Variants in NFIB observed in about 807,000 individuals in gnomAD.
NFIB encodes nuclear factor 1 B-type.
A neutral mutation model predicts 61.5 loss-of-function variants in NFIB; 11 were observed. The ratio of observed to expected loss-of-function variants is 0.18; its 90% CI spans 0.11 to 0.30. NFIB has a LOEUF of 0.30. Among genes scored for constraint, NFIB ranks in the 10% least tolerant of loss-of-function variants. The probability of loss-of-function intolerance (pLI) is 1.00; values close to 1 mark genes in which losing one functional copy is unlikely to be tolerated. For missense variants in NFIB, 471 were observed against 608.9 expected (o/e 0.77, Z 2.38); for synonymous variants, 260 against 216.5 (o/e 1.20, Z -1.76).
chr9:14,325,581 A>G (rs1225888262), intron 1 of NFIB, among the ~76,000 whole-genome samples: 1 of 152,112 alleles, frequency 6.6e-6, no homozygotes, highest in Non-Finnish European at 1.5e-5. Context: ...ATTTTGAGTC[A>G]TTACCCCAAA....
the NFIB span, among the ~76,000 whole-genome samples, chr9:14,440,357 A>G: frequency 2.6e-5 from 4 of 152,208 alleles, no homozygotes; most frequent in African/African-American, 9.6e-5. Context: ...CTGCAGAAGG[A>G]GCTGATACCA....
intron 2 of NFIB, among the ~76,000 whole-genome samples, chr9:14,216,542 C>CT (rs2050935924): frequency 1.7e-4 from 5 of 29,460 alleles, no homozygotes; most frequent in African/African-American, 4.1e-4. Context: ...CTCTCTCTCT[C>CT]CCTCTGTGTG....
intron 1 of NFIB, among the ~76,000 whole-genome samples, chr9:14,368,065 C>T (rs1300813521): frequency 1.3e-5 from 2 of 151,668 alleles, no homozygotes; most frequent in East Asian, 3.9e-4. Flanking sequence ...CACCATGGCA[C>T]ATGTACCAAA....
At position 14,084,562 on chromosome 9, in the gene NFIB, G is replaced by A; in HGVS notation, c.*3747C>T. On this transcript the variant is annotated 3_prime_UTR_variant, in exon 11 of 11. Transcript: ENST00000380953. ...CTCAAATGCTCACGTCACTCCAGGGGTAACACGCTTCAGAGGCACTGTGAG... is the reference window on the plus strand; with the variant it reads ...CTCAAATGCTCACGTCACTCCAGGGATAACACGCTTCAGAGGCACTGTGAG... 4.4e-6 allele frequency: 1 copy of A among 227,716 alleles called. No homozygotes were observed. Among genetic ancestry groups the A allele is most frequent in the Non-Finnish European group, 8.7e-6 (1 of 114,310 alleles). The allele number at this position is 227,716 out of a possible 1,614,324, so 14.1% of individuals were successfully genotyped here.
chr9:14,504,356 T>C, the NFIB span, among the ~76,000 whole-genome samples: 7 of 152,206 alleles, frequency 4.6e-5, no homozygotes, highest in Admixed American at 1.3e-4. Flanking sequence ...GTTTTCTAGT[T>C]CTGTGAAGAA....
In NFIB at chr9:14,273,176, A is replaced by C. The variant is rs187561263; in HGVS notation, c.562+33813T>G. Among the ~76,000 whole-genome samples, 349 of 152,248 alleles carry C rather than the reference A, an allele frequency of 2.3e-3. 1 individual carries two copies. The highest frequency in any genetic ancestry group is 2.0e-3 in the Non-Finnish European group (137 of 68,006). The stretch of plus-strand genomic sequence containing the variant: ...CAGTTTTAAACTCCACAGCAAATCA[A>C]GGCACTCTTTTTAATAAGTACATTT... On this transcript the variant is annotated intron_variant, in intron 2 of 10. Transcript: ENST00000380953.
intron 1 of NFIB, among the ~76,000 whole-genome samples, chr9:14,377,845 A>G (rs2061438219): frequency 6.6e-6 from 1 of 152,192 alleles, no homozygotes; most frequent in Non-Finnish European, 1.5e-5. Flanking sequence ...AATAAAAGAA[A>G]ATAATTTAAA....
At chr9:14,333,888 A>C (rs1369956254) in intron 1 of NFIB, among the ~76,000 whole-genome samples, 2 of 152,216 alleles carry the variant, frequency 1.3e-5, no homozygotes, top group African/African-American at 2.4e-5. Context: ...TATTCTTCCC[A>C]AAGACAACCG....
intron 1 of NFIB, among the ~76,000 whole-genome samples, chr9:14,368,037 C>G (rs1029676710): frequency 6.6e-6 from 1 of 151,974 alleles, no homozygotes; most frequent in Non-Finnish European, 1.5e-5. Flanking sequence ...CACATGTACA[C>G]TTATGTACAC....
chr9:14,173,361 T>A (rs1289601105), intron 3 of NFIB, among the ~76,000 whole-genome samples: 1 of 152,192 alleles, frequency 6.6e-6, no homozygotes, highest in Non-Finnish European at 1.5e-5. Context: ...TTCACAACTT[T>A]GAACTCCTAC....
At chr9:14,234,976 T>A (rs2053599768) in intron 2 of NFIB, among the ~76,000 whole-genome samples, 1 of 152,124 alleles carries the variant, frequency 6.6e-6, no homozygotes, top group South Asian at 2.1e-4. Flanking sequence ...AATAACCAAA[T>A]CTTTTAGACT....
the NFIB span, among the ~76,000 whole-genome samples, chr9:14,489,006 G>C: frequency 6.6e-6 from 1 of 152,074 alleles, no homozygotes; most frequent in Non-Finnish European, 1.5e-5. Context: ...TGAAATTGTG[G>C]TAAGGCATAA....
At chr9:14,500,369 G>A in the NFIB span, among the ~76,000 whole-genome samples, 1 of 152,048 alleles carries the variant, frequency 6.6e-6, no homozygotes, top group Non-Finnish European at 1.5e-5. Flanking sequence ...GTTGTCTTGG[G>A]GCTTGTACAA....
At chr9:14,389,582 A>G (rs1002367203) in intron 1 of NFIB, among the ~76,000 whole-genome samples, 1 of 152,246 alleles carries the variant, frequency 6.6e-6, no homozygotes, top group African/African-American at 2.4e-5. Flanking sequence ...TTAAAACATT[A>G]CAGCAAATTG....
At chr9:14,466,359 A>C in the NFIB span, among the ~76,000 whole-genome samples, 1 of 152,180 alleles carries the variant, frequency 6.6e-6, no homozygotes, top group Admixed American at 6.5e-5. Flanking sequence ...TGAGGCATGG[A>C]AAGACTGGGC....
At chr9:14,094,918 T>C (rs2034541170) in intron 10 of NFIB, among the ~76,000 whole-genome samples, 1 of 152,132 alleles carries the variant, frequency 6.6e-6, no homozygotes, top group Non-Finnish European at 1.5e-5. Context: ...CACAGTGGAT[T>C]GAATGTTAAC....
chr9:14,168,831 C>G (rs781190851), intron 3 of NFIB, among the ~76,000 whole-genome samples: 32 of 152,192 alleles, frequency 2.1e-4, no homozygotes, highest in Non-Finnish European at 3.7e-4. Flanking sequence ...CATCAGCAGC[C>G]TGAGCCTTTG....
intron 1 of NFIB, among the ~76,000 whole-genome samples, chr9:14,392,543 C>T (rs980334711): frequency 6.6e-6 from 1 of 152,100 alleles, no homozygotes; most frequent in African/African-American, 2.4e-5. Flanking sequence ...ACCTGGGCAA[C>T]ATGGTGAAAC....
At chr9:14,463,596 C>A in the NFIB span, among the ~76,000 whole-genome samples, 2 of 151,116 alleles carry the variant, frequency 1.3e-5, no homozygotes, top group African/African-American at 4.9e-5. Flanking sequence ...TTATTAAAAT[C>A]TGCATTTTCT....
Sources: gnomAD v4.1 joint callset for allele counts (sites outside exome capture counted in the v4.1 genomes callset) on GRCh38, gnomAD v4.1.1 for gene constraint, MANE v1.5 for transcripts, NCBI Gene and HGNC (gene_info 2026-07-23, HGNC 2026-07-21) for gene names.